The following CDH9 variants were observed in gnomAD, a reference collection of about 807,000 sequenced individuals.
The protein encoded by CDH9 is cadherin-9.
Under a neutral mutation model 70.9 loss-of-function variants are expected in CDH9, and 28 were observed. The observed-to-expected ratio is 0.40, with a 90% CI of 0.29 to 0.54. The LOEUF (loss-of-function observed/expected upper bound fraction) is 0.54, where lower values mean the gene tolerates loss of function less well. Ranked by LOEUF, CDH9 falls within the 20% of genes least tolerant of loss-of-function variation. The pLI is 0.59. For missense variants in CDH9, 874 were observed against 984.4 expected, an observed-to-expected ratio of 0.89 and a Z score of 1.50; for synonymous variants, 409 against 343.1, an observed-to-expected ratio of 1.19 and a Z score of -2.12.
At chr5:26,921,806 A>T (rs1293550113) in intron 2 of CDH9, among the ~76,000 whole-genome samples, 1 of 152,150 alleles carries the variant, frequency 6.6e-6, no homozygotes, top group Non-Finnish European at 1.5e-5. Flanking sequence ...CTTCCCGGTA[A>T]CATATTGAGG....
intron 2 of CDH9, among the ~76,000 whole-genome samples, chr5:26,977,113 A>G (rs1190942855): frequency 1.3e-5 from 2 of 152,072 alleles, no homozygotes; most frequent in African/African-American, 4.8e-5. Flanking sequence ...AAATATGCCC[A>G]TTGTTCTAGT....
intron 2 of CDH9, among the ~76,000 whole-genome samples, chr5:26,987,691 CA>C (rs1211249520): frequency 1.3e-5 from 2 of 151,974 alleles, no homozygotes; most frequent in East Asian, 3.9e-4. Context: ...GTCTAGATTA[CA>C]AGCAGGAAGC....
chr5:26,984,531 A>T (rs1742457859), intron 2 of CDH9, among the ~76,000 whole-genome samples: 1 of 152,162 alleles, frequency 6.6e-6, no homozygotes, highest in South Asian at 2.1e-4. Flanking sequence ...GGATATAGTT[A>T]ATTGATTATT....
chr5:27,014,475 A>T (rs935112842), intron 1 of CDH9, among the ~76,000 whole-genome samples: 1 of 151,918 alleles, frequency 6.6e-6, no homozygotes, highest in African/African-American at 2.4e-5. Flanking sequence ...GTTTGTCTTT[A>T]GCACCCACAA....
chr5:26,962,209 T>C (rs1237529198), intron 2 of CDH9, among the ~76,000 whole-genome samples: 1 of 152,192 alleles, frequency 6.6e-6, no homozygotes, highest in East Asian at 1.9e-4. Context: ...GCACATTTTC[T>C]TTATCCAGTC....
chr5:27,006,748 G>A lies in CDH9; in HGVS notation c.-49-18366C>T, dbSNP rs576353046. On this transcript the variant is annotated intron_variant, in intron 1 of 11. Transcript: ENST00000231021. ...TGACAGAATTAGGGAAAGGTGAATA[G>A]ATCATGCTGCTCCCATGGAATAAAG... Among the ~76,000 whole-genome samples, 13 of 152,206 alleles carry A rather than the reference G, an allele frequency of 8.5e-5. No homozygotes were observed. The East Asian group carries it at 1.5e-3, about 18-fold the overall frequency.
At chr5:26,938,864 A>T (rs535085989) in intron 2 of CDH9, among the ~76,000 whole-genome samples, 2 of 152,146 alleles carry the variant, frequency 1.3e-5, no homozygotes. Context: ...TGCATCTGGT[A>T]TGATTCCAAT....
chr5:26,954,384 C>CTTTTTTTTTTTTTTTTTTTTTTTTTTTT (rs141394776), intron 2 of CDH9, among the ~76,000 whole-genome samples: 1 of 18,350 alleles, frequency 5.4e-5, no homozygotes, highest in African/African-American at 1.3e-4. Flanking sequence ...ATTATACAGC[C>CTTTTTTTTTTTTTTTTTTTTTTTTTTTT]TTTCTTTTTT....
intron 3 of CDH9, among the ~76,000 whole-genome samples, chr5:26,909,490 C>T (rs1161707755): frequency 6.7e-6 from 1 of 150,098 alleles, no homozygotes; most frequent in Non-Finnish European, 1.5e-5. Context: ...TTATATATTG[C>T]ATCTCATATC....
intron 1 of CDH9, among the ~76,000 whole-genome samples, chr5:27,035,241 T>C (rs1743372474): frequency 6.6e-6 from 1 of 150,482 alleles, no homozygotes; most frequent in South Asian, 2.1e-4. Context: ...AAGCCTCTGC[T>C]TTAGTATGTG....
chr5:26,970,697 C>T (rs1394160799), intron 2 of CDH9, among the ~76,000 whole-genome samples: 1 of 151,990 alleles, frequency 6.6e-6, no homozygotes, highest in Non-Finnish European at 1.5e-5. Context: ...ACCTTCATTG[C>T]TCTGCCTTCA....
Position 26,881,035 on chromosome 5 carries a change from T to G in CDH9, c.*101A>C. On this transcript the variant is annotated 3_prime_UTR_variant, in exon 12 of 12. Transcript: ENST00000231021. ...CAACATCTACGTATTGTTTGTAACT[T>G]CAATTTTTGAAAGATTTCCTCCCAG... 8.7e-7 allele frequency: 1 copy of G among 1,146,126 alleles called. No individual in the cohort carries two copies. Among genetic ancestry groups the G allele is most frequent in the Admixed American group, 2.4e-5 (1 of 41,450 alleles). The allele number at this position is 1,146,126 out of a possible 1,614,324, so 71.0% of individuals were successfully genotyped here. A position where few individuals can be genotyped will look rare whatever the true frequency, so the allele number is the denominator to read the frequency against.
intron 2 of CDH9, among the ~76,000 whole-genome samples, chr5:26,966,187 C>T (rs750515353): frequency 1.3e-4 from 20 of 152,078 alleles, no homozygotes; most frequent in African/African-American, 2.7e-4. Context: ...TGCAAAGGGC[C>T]GGTCTCCGTG....
At chr5:26,893,774 G>C (rs1740701324) in intron 7 of CDH9, among the ~76,000 whole-genome samples, 1 of 152,020 alleles carries the variant, frequency 6.6e-6, no homozygotes, top group South Asian at 2.1e-4. Flanking sequence ...ATCAGAGATA[G>C]ATCCGATTTG....
chr5:26,885,930 G>A (rs759074645), intron 10 of CDH9, 36 bp downstream of exon 10: 1 of 1,589,208 alleles, frequency 6.3e-7, no homozygotes, highest in South Asian at 1.2e-5. Context: ...GTATCTTAAA[G>A]TTTCATAATT....
intron 2 of CDH9, among the ~76,000 whole-genome samples, chr5:26,916,357 A>T (rs756592116): frequency 2.0e-5 from 3 of 151,974 alleles, no homozygotes; most frequent in Non-Finnish European, 4.4e-5. Context: ...AGTTCAGAAT[A>T]GCTACCTTAA....
intron 2 of CDH9, among the ~76,000 whole-genome samples, chr5:26,931,086 C>T (rs753899712): frequency 2.6e-5 from 4 of 152,226 alleles, no homozygotes; most frequent in African/African-American, 9.6e-5. Flanking sequence ...TAGCAAACCA[C>T]GACAAACCTG....
chr5:27,035,514 A>G (rs1743375820), intron 1 of CDH9, among the ~76,000 whole-genome samples: 1 of 151,776 alleles, frequency 6.6e-6, no homozygotes, highest in Admixed American at 6.6e-5. Context: ...TTTGAAATCA[A>G]TGTCCTTTGG....
intron 7 of CDH9, among the ~76,000 whole-genome samples, chr5:26,900,493 C>T (rs1579671256): frequency 6.6e-6 from 1 of 151,978 alleles, no homozygotes; most frequent in Admixed American, 6.6e-5. Context: ...GGCATCATGC[C>T]TCTTGCAAGG....
Sources: gnomAD v4.1 joint callset for allele counts (sites outside exome capture counted in the v4.1 genomes callset) on GRCh38, gnomAD v4.1.1 for gene constraint, MANE v1.5 for transcripts, NCBI Gene and HGNC (gene_info 2026-07-23, HGNC 2026-07-21) for gene names.